Variants in ARFGAP1 observed in about 807,000 individuals in gnomAD.
ARFGAP1 encodes ADP-ribosylation factor GTPase-activating protein 1.
A neutral mutation model predicts 54.0 loss-of-function variants in ARFGAP1; 26 were observed. The ratio of observed to expected loss-of-function variants is 0.48; its 90% CI spans 0.35 to 0.67. The LOEUF (loss-of-function observed/expected upper bound fraction) is 0.67. Ranked by LOEUF, ARFGAP1 falls within the 30% of genes least tolerant of loss-of-function variation. The pLI is 0.00. For missense variants in ARFGAP1, 525 were observed against 535.8 expected (o/e 0.98, Z 0.20); for synonymous variants, 248 against 211.9 (o/e 1.17, Z -1.48).
Position 63,276,367 on chromosome 20 carries a change from C to T in ARFGAP1, c.171-113C>T. The T allele has an allele frequency of 1.4e-6, 2 of 1,444,672 alleles. No homozygotes were observed. The highest frequency in any genetic ancestry group is 1.9e-6 in the Non-Finnish European group (2 of 1,053,464). The allele number at this position is 1,444,672 out of a possible 1,614,324, so 89.5% of individuals were successfully genotyped here. On this transcript the variant is annotated intron_variant, in intron 3 of 12. Transcript: ENST00000370283. This position sits in a 1 kb window ranked among gnomAD's most constrained non-coding sequence, Gnocchi z 5.2. ...CACAGAGTTCCAGCTGCTGGCCACT[C>T]AGCCTCCCTGCGGCTGCTGCTTGCT...
chr20:63,279,140 C>T (rs1311575530), intron 7 of ARFGAP1, 145 bp downstream of exon 7: 8 of 805,980 alleles, frequency 9.9e-6, no homozygotes, highest in South Asian at 5.9e-5. Context: ...CCTTCAGCGA[C>T]GTTTTCTTTC....
At chr20:63,283,097 G>A (rs143620375) in intron 9 of ARFGAP1, 7,879 of 566,766 alleles carry the variant, frequency 0.014, 194 homozygotes, top group Admixed American at 0.082. Context: ...AGCTGGTACC[G>A]GTGTGTGGCC....
intron 12 of ARFGAP1, among the ~76,000 whole-genome samples, 160 bp downstream of exon 12, chr20:63,286,602 CT>C (rs2067559662): frequency 6.6e-6 from 1 of 151,760 alleles, no homozygotes. Context: ...GGAGGGGGCA[CT>C]GTGGAGCCTC....
chr20:63,283,623 T>C (rs2067443895), intron 9 of ARFGAP1: 2 of 479,276 alleles, frequency 4.2e-6, no homozygotes. Flanking sequence ...CCATCTGGCT[T>C]TTTCGTGGGC....
At chr20:63,283,868 G>A (rs1230785437) in intron 9 of ARFGAP1, 1 of 1,613,580 alleles carries the variant, frequency 6.2e-7, no homozygotes, top group Non-Finnish European at 8.5e-7. Context: ...GTCACAAGCA[G>A]CAGCCGGAGC....
rs1601333238 is a variant in ARFGAP1 at position 63,275,976 on chromosome 20, C to G, written c.61-115C>G. ...CTCACGCCTTGCCCTGACCCACACC[C>G]CCGGCCACCCTGGGCAGCCCTCTGC... On this transcript the variant is annotated intron_variant, in intron 2 of 12. Coordinates refer to ENST00000370283, the MANE Select transcript of ARFGAP1 (RefSeq NM_018209.4). The G allele has an allele frequency of 4.3e-6, 4 of 927,744 alleles. No homozygotes were observed. In the East Asian group the frequency reaches 7.2e-5, roughly 17 times the overall value. 57.5% of individuals were successfully genotyped at this position (927,744 alleles called of 1,614,324 possible). A position where few individuals can be genotyped will look rare whatever the true frequency, so the allele number is the denominator to read the frequency against.
chr20:63,275,121 C>T (rs768784072), intron 1 of ARFGAP1, among the ~76,000 whole-genome samples: 37 of 152,346 alleles, frequency 2.4e-4, no homozygotes, highest in Non-Finnish European at 4.0e-4. Flanking sequence ...GAGGGTGGAG[C>T]GCAGAGTCCC....
At position 63,276,691 on chromosome 20, in the gene ARFGAP1, G is replaced by A. The variant is rs779018998; in HGVS notation, c.342+40G>A. 138 of 1,561,432 alleles carry A rather than the reference G, an allele frequency of 8.8e-5. No homozygotes were observed. The highest frequency in any genetic ancestry group is 1.1e-4 in the Non-Finnish European group (122 of 1,152,256). On this transcript the variant is annotated intron_variant, in intron 4 of 12. Transcript: ENST00000370283. The surrounding 1 kb of genome is among the most constrained non-coding windows in gnomAD (Gnocchi z 5.2). ...GATTCACTCTTGCCCATGGTGTGGG[G>A]CTGCCCTGCCGTTTGTGGCAGCTGG... is the stretch of plus-strand genomic sequence containing the variant.
At position 63,287,763 on chromosome 20, in the gene ARFGAP1, T is replaced by C. The variant is rs1375396556; in HGVS notation, c.1111T>C (p.Ser371Pro). 1.9e-6 allele frequency: 3 copies of C among 1,595,130 alleles called. No individual in the cohort carries two copies. The highest frequency in any genetic ancestry group is 2.6e-6 in the Non-Finnish European group (3 of 1,172,210). Reference protein sequence around the residue: ...SDSWEVWGSASTNRNSNSDGG... With the variant: ...SDSWEVWGSAPTNRNSNSDGG... ...CAGCTGGGAGGTGTGGGGCTCGGCCTCCACCAACAGGAACAGCAACAGCGA... is the reference window on the plus strand; with the variant it reads ...CAGCTGGGAGGTGTGGGGCTCGGCCCCCACCAACAGGAACAGCAACAGCGA... The change falls in exon 13 of 13, where the codon TCC (serine) becomes CCC (proline). Residue 371 changes from serine to proline, a missense_variant. By Grantham distance (74) the Ser-to-Pro change is moderately conservative (BLOSUM62 -1). Coordinates refer to ENST00000370283, the MANE Select transcript of ARFGAP1 (RefSeq NM_018209.4).
intron 11 of ARFGAP1, 67 bp from the exon 12 acceptor site, chr20:63,286,299 G>C (rs748288564): frequency 6.2e-7 from 1 of 1,601,794 alleles, no homozygotes; most frequent in Non-Finnish European, 8.5e-7. Flanking sequence ...GCTTGCGTGT[G>C]GGGGCCTCCT....
rs1019594007 is a variant in ARFGAP1, at chr20:63,288,836, C to G, written c.*963C>G. 6.5e-6 allele frequency: 2 copies of G among 309,486 alleles called. No homozygotes were observed. Among genetic ancestry groups the G allele is most frequent in the African/African-American group, 4.3e-5 (2 of 46,342 alleles). 19.2% of individuals were successfully genotyped at this position (309,486 alleles called of 1,614,324 possible). A position where few individuals can be genotyped will look rare whatever the true frequency, so the allele number is the denominator to read the frequency against. ...ACGTGTGACTCGTCTCCCTTGTCTG[C>G]CCTGTGTGACCCTCAGTCTTGGCCA... On this transcript the variant is annotated 3_prime_UTR_variant, in exon 13 of 13. Coordinates refer to ENST00000370283, the MANE Select transcript of ARFGAP1 (RefSeq NM_018209.4).
intron 11 of ARFGAP1, chr20:63,286,002 A>C: frequency 1.3e-6 from 2 of 1,535,484 alleles, no homozygotes; most frequent in Non-Finnish European, 1.8e-6. Context: ...CTTTGCTGCC[A>C]TCAGTCCCAC....
chr20:63,278,882 G>A lies in ARFGAP1; in HGVS notation c.531-17G>A, dbSNP rs374175010. On this transcript the variant is annotated splice_polypyrimidine_tract_variant and intron_variant, in intron 6 of 12. Coordinates refer to ENST00000370283, the MANE Select transcript of ARFGAP1 (RefSeq NM_018209.4). ...TTCATGCCAGCATCTTCGGCCTCTT[G>A]TCCGCTTTGTTTTCAGGGCCCAGGG... is the stretch of plus-strand genomic sequence containing the variant. The A allele has an allele frequency of 6.2e-7, 1 of 1,613,756 alleles. No individual in the cohort carries two copies. The highest frequency in any genetic ancestry group is 1.3e-5 in the African/African-American group (1 of 74,934).
intron 5 of ARFGAP1, among the ~76,000 whole-genome samples, chr20:63,277,712 G>T (rs758673013): frequency 6.6e-6 from 1 of 152,188 alleles, no homozygotes; most frequent in African/African-American, 2.4e-5. Context: ...AACGTCCCGG[G>T]TGGGGTGACT....
chr20:63,276,719 T>C lies in ARFGAP1; in HGVS notation c.342+68T>C. On this transcript the variant is annotated intron_variant, in intron 4 of 12. Transcript: ENST00000370283. The surrounding 1 kb of genome is among the most constrained non-coding windows in gnomAD (Gnocchi z 5.2). ...GCCCTGCCGTTTGTGGCAGCTGGAC[T>C]GTGGCCTTTAGTGGTTCTGGAGTCG... The C allele has an allele frequency of 1.3e-6, 2 of 1,511,784 alleles. No individual in the cohort carries two copies. Among genetic ancestry groups the C allele is most frequent in the Non-Finnish European group, 1.8e-6 (2 of 1,125,702 alleles). The allele number at this position is 1,511,784 out of a possible 1,614,324, so 93.6% of individuals were successfully genotyped here.
At chr20:63,282,877 C>G in intron 9 of ARFGAP1, 26 bp downstream of exon 9, 1 of 1,612,852 alleles carries the variant, frequency 6.2e-7, no homozygotes, top group Non-Finnish European at 8.5e-7. Flanking sequence ...CTTCTGCACC[C>G]TGGTGCATCT....
chr20:63,273,383 GC>G (rs1343632450), intron 1 of ARFGAP1: 1 of 152,268 alleles, frequency 6.6e-6, no homozygotes. Context: ...GGCCTCTGAA[GC>G]CCGGTGGGGC....
chr20:63,284,732 C>T, intron 9 of ARFGAP1, 134 bp from the exon 10 acceptor site: 1 of 1,506,166 alleles, frequency 6.6e-7, no homozygotes, highest in Non-Finnish European at 8.9e-7. Flanking sequence ...TTTCCTGCTC[C>T]CTGCGCTTGT....
intron 11 of ARFGAP1, chr20:63,286,131 C>T (rs2067533418): frequency 1.9e-6 from 3 of 1,550,248 alleles, no homozygotes; most frequent in African/African-American, 1.4e-5. Flanking sequence ...GTGGTGGGAG[C>T]TCTTGAGGTC....
Sources: gnomAD v4.1 joint callset for allele counts (sites outside exome capture counted in the v4.1 genomes callset) on GRCh38, gnomAD v4.1.1 for gene constraint, Gnocchi (gnomAD v3.1) non-coding constraint, MANE v1.5 for transcripts, NCBI Gene and HGNC (gene_info 2026-07-23, HGNC 2026-07-21) for gene names.